The following AKNA variants were observed in gnomAD, a reference collection of about 807,000 sequenced individuals.
The protein encoded by AKNA is microtubule organization protein AKNA.
In AKNA, 67 loss-of-function variants were observed where a neutral mutation model predicts 138.8. The observed-to-expected ratio is 0.48, with a 90% CI of 0.40 to 0.59. The LOEUF (loss-of-function observed/expected upper bound fraction) is 0.59. AKNA is among the 20% of genes least tolerant of loss of function. AKNA has a pLI of 0.00. For missense variants in AKNA, 1,813 were observed against 1,880.4 expected (o/e 0.96, Z 0.66); for synonymous variants, 737 against 754.4 (o/e 0.98, Z 0.38).
chr9:114,390,711 C>T (rs1834301530), upstream of AKNA, among the ~76,000 whole-genome samples: 1 of 152,222 alleles, frequency 6.6e-6, no homozygotes, highest in Admixed American at 6.5e-5. Context: ...CTGCTGCAGC[C>T]TCTTCTCCCA....
chr9:114,370,530 T>G (rs1832694257), intron 4 of AKNA, among the ~76,000 whole-genome samples: 2 of 147,860 alleles, frequency 1.4e-5, no homozygotes, highest in African/African-American at 2.5e-5. Flanking sequence ...AGGTGGGGAG[T>G]GGCGGTGGGG....
chr9:114,359,737 T>G lies in AKNA; in HGVS notation c.2349A>C (p.Gly783=). The change falls in exon 11 of 22, where the codon GGA becomes GGC. Residue 783 remains glycine (G), a synonymous_variant. Coordinates refer to ENST00000374088, the MANE Select transcript of AKNA (RefSeq NM_001317950.2). ...CCCCCTCTTCCTCCTCCTCCTCCTCTCCTTCTTCCTCCTCCTCCATTCTCA... is the reference window on the plus strand; with the variant it reads ...CCCCCTCTTCCTCCTCCTCCTCCTCGCCTTCTTCCTCCTCCTCCATTCTCA... ...EAMRMEEEEE[G]EEEEEEEGGG... The G allele has an allele frequency of 6.2e-7, 1 of 1,604,488 alleles. No individual in the cohort carries two copies. Among genetic ancestry groups the G allele is most frequent in the South Asian group, 1.1e-5 (1 of 89,166 alleles).
chr9:114,340,056 G>A (rs908013572), intron 21 of AKNA, among the ~76,000 whole-genome samples: 10 of 152,298 alleles, frequency 6.6e-5, no homozygotes, highest in African/African-American at 2.2e-4. Flanking sequence ...CCAAGATGGC[G>A]CCACTGCACT....
At chr9:114,363,761 G>C (rs1036095319) in intron 7 of AKNA, among the ~76,000 whole-genome samples, 6 of 152,118 alleles carry the variant, frequency 3.9e-5, no homozygotes, top group Non-Finnish European at 8.8e-5. Context: ...AGAGACTTGA[G>C]AGTGGGCACA....
intron 7 of AKNA, among the ~76,000 whole-genome samples, chr9:114,363,548 T>C (rs1832123119): frequency 1.3e-5 from 2 of 152,240 alleles, no homozygotes; most frequent in African/African-American, 4.8e-5. Context: ...AAAATGTACA[T>C]GACATCTATG....
chr9:114,376,765 T>C lies in AKNA; in HGVS notation c.1042A>G (p.Lys348Glu). Reference sequence around the variant, plus strand: ...TAGTTCAACTGCCCCCGGCCATACTTGGGGGCATTAGAAGAGGAGCGGCCA... The same window carrying C: ...TAGTTCAACTGCCCCCGGCCATACTCGGGGGCATTAGAAGAGGAGCGGCCA... Reference protein sequence around the residue: ...LAGRSSSNAPKYGRGQLNYPL... With the variant: ...LAGRSSSNAPEYGRGQLNYPL... Residue 348 changes from lysine (K) to glutamate (E), a missense_variant, in exon 3 of 22, where the codon AAG becomes GAG. Transcript: ENST00000374088. 2.5e-6 allele frequency: 4 copies of C among 1,612,680 alleles called. No homozygotes were observed. The highest frequency in any genetic ancestry group is 3.4e-6 in the Non-Finnish European group (4 of 1,179,202).
downstream of AKNA, chr9:114,331,705 C>A (rs371411972): frequency 1.3e-6 from 2 of 1,596,420 alleles, no homozygotes; most frequent in Non-Finnish European, 1.7e-6. Context: ...CAAACTCATG[C>A]CCCTCTCAGG....
intron 15 of AKNA, among the ~76,000 whole-genome samples, 158 bp downstream of exon 15, chr9:114,350,701 C>G (rs1333006167): frequency 6.6e-6 from 1 of 152,178 alleles, no homozygotes; most frequent in East Asian, 1.9e-4. Flanking sequence ...CCCACAGAAA[C>G]GCTGGGAACT....
chr9:114,355,967 C>A lies in AKNA; in HGVS notation c.3016G>T (p.Ala1006Ser). ...GTCCGCTCCAGGCTGAAGTTGGGTGCCCTCTGCCGGAGAGGCCCACTTGGG... is the reference window on the plus strand; with the variant it reads ...GTCCGCTCCAGGCTGAAGTTGGGTGACCTCTGCCGGAGAGGCCCACTTGGG... ...SSPSGPLRQR[A>S]PNFSLERTLA... is the part of the protein sequence containing the mutation. The change falls in exon 14 of 22, where the codon GCA (alanine) becomes TCA (serine). Residue 1006 changes from alanine to serine, a missense_variant. By Grantham distance (99) the Ala-to-Ser change is moderately conservative (BLOSUM62 1). Transcript: ENST00000374088. 1 of 1,614,208 alleles carries A rather than the reference C, an allele frequency of 6.2e-7. No individual in the cohort carries two copies. The highest frequency in any genetic ancestry group is 8.5e-7 in the Non-Finnish European group (1 of 1,180,038).
chr9:114,339,660 T>C (rs1234715707), intron 21 of AKNA, among the ~76,000 whole-genome samples: 1 of 152,140 alleles, frequency 6.6e-6, no homozygotes, highest in Non-Finnish European at 1.5e-5. Context: ...GCAAAACCTT[T>C]CCCGATCAAT....
At chr9:114,397,745 C>T (rs1834575748), upstream of AKNA, among the ~76,000 whole-genome samples, 1 of 152,178 alleles carries the variant, frequency 6.6e-6, no homozygotes, top group African/African-American at 2.4e-5. Flanking sequence ...CTCTGGACCT[C>T]ATTCTCCTCC....
At chr9:114,355,717 A>ACACAGGTTCAATAATCG (rs1831451009) in intron 14 of AKNA, among the ~76,000 whole-genome samples, 2 of 152,216 alleles carry the variant, frequency 1.3e-5, no homozygotes, top group Non-Finnish European at 2.9e-5. Flanking sequence ...CACAGAGAAC[A>ACACAGGTTCAATAATCG]GCTCACAGGT....
rs764995250 is a variant in AKNA at position 114,343,822 on chromosome 9, A to C, written c.3662-19T>G. 1.0e-5 allele frequency: 16 copies of C among 1,597,190 alleles called. No individual in the cohort carries two copies. Among genetic ancestry groups the C allele is most frequent in the Non-Finnish European group, 1.3e-5 (15 of 1,166,488 alleles). On this transcript the variant is annotated intron_variant, in intron 18 of 21. Transcript: ENST00000374088. ...TCGTGGCCTGGGGAAAGAAACCAGA[A>C]CTGTCAGTATCAGCCCTGTGGATGG...
upstream of AKNA, among the ~76,000 whole-genome samples, chr9:114,395,607 G>C (rs1454581155): frequency 1.3e-5 from 2 of 151,848 alleles, no homozygotes; most frequent in African/African-American, 4.8e-5. Context: ...CTTTAGGGGA[G>C]CTGCAGTGGG....
At chr9:114,364,064 T>G (rs1260757825) in intron 7 of AKNA, among the ~76,000 whole-genome samples, 1 of 152,016 alleles carries the variant, frequency 6.6e-6, no homozygotes, top group Non-Finnish European at 1.5e-5. Context: ...TGGCAACTAT[T>G]TTGTAATTTT....
At chr9:114,355,489 TCATGTGACCGG>T (rs1181848770) in intron 14 of AKNA, among the ~76,000 whole-genome samples, 1 of 152,194 alleles carries the variant, frequency 6.6e-6, no homozygotes, top group East Asian at 1.9e-4. Flanking sequence ...GACTGTACTT[TCATGTGACCGG>T]CAGCGCAGTA....
At chr9:114,379,915 C>T (rs1405867533) in intron 2 of AKNA, among the ~76,000 whole-genome samples, 1 of 152,160 alleles carries the variant, frequency 6.6e-6, no homozygotes, top group Non-Finnish European at 1.5e-5. Context: ...TTTTGGGAGG[C>T]CAAGGTGAGA....
At chr9:114,359,108 A>AC (rs1389158924) in intron 11 of AKNA, 1 of 155,676 alleles carries the variant, frequency 6.4e-6, no homozygotes, top group African/African-American at 2.4e-5. Flanking sequence ...TCACACTATC[A>AC]CCCAGGCTGG....
In AKNA at chr9:114,379,418, C is replaced by T. The variant is rs200084674; in HGVS notation, c.274+1642G>A. 1.2e-4 allele frequency among the ~76,000 whole-genome samples: 18 copies of T among 152,376 alleles called. No homozygotes were observed. In the East Asian group the frequency reaches 3.3e-3, roughly 28 times the overall value. On this transcript the variant is annotated intron_variant, in intron 2 of 21. Coordinates refer to ENST00000374088, the MANE Select transcript of AKNA (RefSeq NM_001317950.2). ...ATAGCAGGGGGTTACCATGTGACCC[C>T]AGGAAGAGATGCCTCTGCCCTGTCG...
Sources: allele counts gnomAD v4.1 joint callset (sites outside exome capture counted in the v4.1 genomes callset), GRCh38; gene constraint gnomAD v4.1.1; transcripts MANE v1.5; gene names NCBI Gene and HGNC (gene_info 2026-07-23, HGNC 2026-07-21).